The following CSNK1G1 variants were observed in gnomAD, a reference collection of about 807,000 sequenced individuals.
CSNK1G1 encodes the protein casein kinase 1 gamma 1.
CSNK1G1 carries 22 observed loss-of-function variants against 59.6 expected under a neutral mutation model. The ratio of observed to expected loss-of-function variants is 0.37; its 90% CI spans 0.26 to 0.53. CSNK1G1 has a LOEUF of 0.53. Ranked by LOEUF, CSNK1G1 falls within the 20% of genes least tolerant of loss-of-function variation. The probability of loss-of-function intolerance (pLI) is 0.89; values close to 1 mark genes in which losing one functional copy is unlikely to be tolerated. For missense variants in CSNK1G1, 384 were observed against 519.5 expected (o/e 0.74, Z 2.54); for synonymous variants, 179 against 177.1 (o/e 1.01, Z -0.08).
intron 10 of CSNK1G1, among the ~76,000 whole-genome samples, chr15:64,189,746 G>A (rs901387843): frequency 3.3e-5 from 5 of 151,454 alleles, no homozygotes; most frequent in Non-Finnish European, 5.9e-5. Flanking sequence ...GTTGCTTAAA[G>A]CTCACCCGTA....
At chr15:64,209,221 G>A (rs1225426680) in intron 6 of CSNK1G1, among the ~76,000 whole-genome samples, 1 of 152,060 alleles carries the variant, frequency 6.6e-6, no homozygotes, top group Non-Finnish European at 1.5e-5. Context: ...TTATTTTTCA[G>A]AATCAAGTTT....
At position 64,300,320 on chromosome 15, in the gene CSNK1G1, TA is replaced by T; in HGVS notation, c.179del (p.Leu60Ter). ...TCACTGACATAACCAAGTGCTTACCTAATCTGAGCTCTCCGAAGTTCCCACA... is the reference window on the plus strand; with the variant it reads ...TCACTGACATAACCAAGTGCTTACCTATCTGAGCTCTCCGAAGTTCCCACA... ...IGCGNFGELR[L>X]GKNLYTNEYV... On this transcript the variant is annotated frameshift_variant and splice_region_variant, in exon 2 of 12. Transcript: ENST00000303052. LOFTEE classifies it high-confidence loss of function. 2 of 1,614,034 alleles carry T rather than the reference TA, an allele frequency of 1.2e-6. No homozygotes were observed. Among genetic ancestry groups the T allele is most frequent in the Non-Finnish European group, 1.7e-6 (2 of 1,179,900 alleles).
At chr15:64,181,354 C>T (rs2081810932) in intron 10 of CSNK1G1, 1 of 1,535,926 alleles carries the variant, frequency 6.5e-7, no homozygotes, top group Non-Finnish European at 8.7e-7. Flanking sequence ...CACATTATTC[C>T]TGTTTATGTG....
intron 1 of CSNK1G1, among the ~76,000 whole-genome samples, chr15:64,343,570 A>C (rs981846067): frequency 3.3e-5 from 5 of 151,728 alleles, no homozygotes; most frequent in Non-Finnish European, 7.4e-5. Flanking sequence ...TTTAACTTTA[A>C]TCTCCTTCCT....
intron 2 of CSNK1G1, among the ~76,000 whole-genome samples, chr15:64,297,892 A>C (rs1367090658): frequency 2.0e-5 from 3 of 152,144 alleles, no homozygotes; most frequent in Non-Finnish European, 4.4e-5. Flanking sequence ...AAAATGACGG[A>C]ATGGGGTATG....
chr15:64,200,235 C>T lies in CSNK1G1; in HGVS notation c.1107+2847G>A, dbSNP rs1472400269. 6.7e-6 allele frequency among the ~76,000 whole-genome samples: 1 copy of T among 150,042 alleles called. No homozygotes were observed. Among genetic ancestry groups the T allele is most frequent in the Non-Finnish European group, 1.5e-5 (1 of 67,576 alleles). ...CTTGGTGATAAGAGCTAAACTCTGT[C>T]TCAAAAAAAAAAAGAGACACAAGGA... On this transcript the variant is annotated intron_variant, in intron 10 of 11. Transcript: ENST00000303052. This position sits in a 1 kb window ranked among gnomAD's most constrained non-coding sequence, Gnocchi z 4.3.
intron 10 of CSNK1G1, among the ~76,000 whole-genome samples, chr15:64,184,716 C>T (rs1409988524): frequency 6.7e-6 from 1 of 150,172 alleles, no homozygotes; most frequent in African/African-American, 2.4e-5. Flanking sequence ...TTCAAATAGA[C>T]ATTTATTTTG....
intron 1 of CSNK1G1, among the ~76,000 whole-genome samples, chr15:64,337,643 G>A (rs1005689164): frequency 1.3e-5 from 2 of 152,052 alleles, no homozygotes; most frequent in African/African-American, 4.8e-5. Flanking sequence ...GTTTTTTACT[G>A]TGATAAAATA....
At chr15:64,270,770 A>C (rs1389935788) in intron 2 of CSNK1G1, among the ~76,000 whole-genome samples, 3 of 151,880 alleles carry the variant, frequency 2.0e-5, no homozygotes, top group Non-Finnish European at 4.4e-5. Flanking sequence ...AAAAAAAAAA[A>C]AAAACACTAC....
chr15:64,244,337 TAA>T (rs969850690), intron 4 of CSNK1G1, among the ~76,000 whole-genome samples: 17 of 132,714 alleles, frequency 1.3e-4, no homozygotes, highest in African/African-American at 4.5e-4. Flanking sequence ...AGGGAAACTG[TAA>T]AACACTGGTG....
At chr15:64,181,241 G>A (rs921656363) in intron 10 of CSNK1G1, 78 of 1,535,530 alleles carry the variant, frequency 5.1e-5, no homozygotes, top group African/African-American at 2.1e-4. Context: ...GATGGTCCCC[G>A]AAATGTAAGT....
chr15:64,247,916 A>C (rs1891841742), intron 4 of CSNK1G1, among the ~76,000 whole-genome samples: 1 of 152,264 alleles, frequency 6.6e-6, no homozygotes, highest in South Asian at 2.1e-4. Context: ...ATAAGCAATG[A>C]TTAATTCACT....
At chr15:64,192,329 CTCCTTGGGGGA>C in intron 10 of CSNK1G1, among the ~76,000 whole-genome samples, 1 of 152,232 alleles carries the variant, frequency 6.6e-6, no homozygotes, top group African/African-American at 2.4e-5. Context: ...GTAGTGGTAA[CTCCTTGGGGGA>C]ACGCTTTAAA....
intron 2 of CSNK1G1, among the ~76,000 whole-genome samples, chr15:64,277,837 TGA>T (rs1893804062): frequency 7.2e-6 from 1 of 138,538 alleles, no homozygotes; most frequent in African/African-American, 2.7e-5. Context: ...ATAATAATAT[TGA>T]TATATTTAAT....
intron 1 of CSNK1G1, among the ~76,000 whole-genome samples, chr15:64,312,401 A>G (rs1413555663): frequency 6.6e-6 from 1 of 152,208 alleles, no homozygotes; most frequent in Non-Finnish European, 1.5e-5. Flanking sequence ...TGGGACCAAA[A>G]CAGATATATA....
chr15:64,239,659 G>A (rs1048693268), intron 4 of CSNK1G1, among the ~76,000 whole-genome samples: 5 of 152,128 alleles, frequency 3.3e-5, no homozygotes, highest in African/African-American at 9.7e-5. Context: ...GATTACAGGT[G>A]TAAGTCACCC....
chr15:64,324,483 G>A (rs1421078608), intron 1 of CSNK1G1, among the ~76,000 whole-genome samples: 1 of 152,210 alleles, frequency 6.6e-6, no homozygotes, highest in African/African-American at 2.4e-5. Flanking sequence ...TACCCTCGAA[G>A]AACATCTGAC....
chr15:64,247,295 A>C (rs1441764036), intron 4 of CSNK1G1, among the ~76,000 whole-genome samples: 1 of 152,264 alleles, frequency 6.6e-6, no homozygotes, highest in East Asian at 1.9e-4. Context: ...TAATACAATT[A>C]ACATAACATT....
chr15:64,245,095 AC>A (rs1891682274), intron 4 of CSNK1G1, among the ~76,000 whole-genome samples: 1 of 152,186 alleles, frequency 6.6e-6, no homozygotes. Context: ...ACAAAAAAAA[AC>A]AAATCAAAAT....
Sources: allele counts gnomAD v4.1 joint callset (sites outside exome capture counted in the v4.1 genomes callset), GRCh38; gene constraint gnomAD v4.1.1; non-coding constraint Gnocchi (gnomAD v3.1); transcripts MANE v1.5; gene names NCBI Gene and HGNC (gene_info 2026-07-23, HGNC 2026-07-21).